Variants in RAPGEF6 observed in about 807,000 individuals in gnomAD.
RAPGEF6 encodes Rap guanine nucleotide exchange factor 6, also known as PDZ domain containing guanine nucleotide exchange factor (GEF) 2.
RAPGEF6 carries 56 observed loss-of-function variants against 171.4 expected under a neutral mutation model. That is an observed-to-expected ratio of 0.33 (90% CI 0.26 to 0.41). The LOEUF (loss-of-function observed/expected upper bound fraction) is 0.41. RAPGEF6 is among the 10% of genes least tolerant of loss of function. The probability of loss-of-function intolerance (pLI) is 1.00; values close to 1 mark genes in which losing one functional copy is unlikely to be tolerated. For missense variants in RAPGEF6, 1,674 were observed against 1,921.4 expected (o/e 0.87, Z 2.41); for synonymous variants, 692 against 650.1 (o/e 1.06, Z -0.98).
intron 6 of RAPGEF6, among the ~76,000 whole-genome samples, chr5:131,543,507 G>T (rs903108994): frequency 2.0e-5 from 3 of 152,116 alleles, no homozygotes; most frequent in Non-Finnish European, 1.5e-5. Flanking sequence ...TAAGTGAAAA[G>T]CACAAATTCT....
chr5:131,580,058 C>T (rs953735158), intron 4 of RAPGEF6, among the ~76,000 whole-genome samples: 39 of 152,336 alleles, frequency 2.6e-4, no homozygotes, highest in Admixed American at 1.9e-3. Context: ...CTTGGGTGGT[C>T]GATGGGACCA....
At chr5:131,578,064 G>A (rs756562170) in intron 4 of RAPGEF6, among the ~76,000 whole-genome samples, 11 of 152,052 alleles carry the variant, frequency 7.2e-5, no homozygotes, top group Non-Finnish European at 1.3e-4. Flanking sequence ...CTTTTCCTCC[G>A]AACCATCGTA....
chr5:131,426,325 C>T lies in RAPGEF6; in HGVS notation c.*941G>A, dbSNP rs1751391886. 6.6e-6 allele frequency: 1 copy of T among 152,320 alleles called. No homozygotes were observed. The highest frequency in any genetic ancestry group is 1.5e-5 in the Non-Finnish European group (1 of 68,036). 9.4% of individuals were successfully genotyped at this position (152,320 alleles called of 1,614,324 possible). A position where few individuals can be genotyped will look rare whatever the true frequency, so the allele number is the denominator to read the frequency against. On this transcript the variant is annotated 3_prime_UTR_variant, in exon 28 of 28. Transcript: ENST00000509018. ...ATTTCTTTAAAAAAAGTATTCCATA[C>T]TTGAGTTATGAGAGATTTTAGTTTT... is the stretch of plus-strand genomic sequence containing the variant.
At chr5:131,561,511 C>T (rs1045913412) in intron 5 of RAPGEF6, among the ~76,000 whole-genome samples, 1 of 151,680 alleles carries the variant, frequency 6.6e-6, no homozygotes, top group Non-Finnish European at 1.5e-5. Flanking sequence ...AATAGAAAAA[C>T]TAGCTGGGAA....
In RAPGEF6 at chr5:131,479,669, C is replaced by A; in HGVS notation, c.1925G>T (p.Arg642Leu). 1 of 1,613,824 alleles carries A rather than the reference C, an allele frequency of 6.2e-7. No individual in the cohort carries two copies. The highest frequency in any genetic ancestry group is 8.5e-7 in the Non-Finnish European group (1 of 1,179,952). ...IPKIAEKKSN[R>L]HSIQHVPGDI... The stretch of plus-strand genomic sequence containing the variant: ...TCCTGGCACATGCTGGATAGAATGG[C>A]GATTACTTTTTTTTTCAGCAATTTT... The change falls in exon 16 of 28, where the codon CGC (arginine) becomes CTC (leucine). Residue 642 changes from arginine to leucine, a missense_variant. By Grantham distance (102) the Arg-to-Leu change is moderately radical. This residue lies in a region of RAPGEF6 where 1,116 missense variants were observed against 1,321.5 expected (regional missense o/e 0.84). Transcript: ENST00000509018.
At chr5:131,467,836 A>C (rs371446857) in intron 17 of RAPGEF6, among the ~76,000 whole-genome samples, 2 of 152,168 alleles carry the variant, frequency 1.3e-5, no homozygotes, top group African/African-American at 2.4e-5. Flanking sequence ...GATCAAAACC[A>C]GCCTGGGGAA....
At chr5:131,500,009 C>T (rs1471463233) in intron 11 of RAPGEF6, among the ~76,000 whole-genome samples, 1 of 152,214 alleles carries the variant, frequency 6.6e-6, no homozygotes, top group Non-Finnish European at 1.5e-5. Context: ...AGCAATTCTC[C>T]TGCCTCAGCC....
At chr5:131,464,020 T>C (rs756306413) in intron 18 of RAPGEF6, 21 bp downstream of exon 18, 3 of 1,544,900 alleles carry the variant, frequency 1.9e-6, no homozygotes, top group South Asian at 1.2e-5. Context: ...AATAAGCACA[T>C]CCACTAATAA....
chr5:131,501,116 G>A (rs748464537), intron 11 of RAPGEF6, among the ~76,000 whole-genome samples: 7 of 149,546 alleles, frequency 4.7e-5, no homozygotes, highest in African/African-American at 1.2e-4. Flanking sequence ...AGATCAGCCC[G>A]GCCAAATGGC....
intron 3 of RAPGEF6, among the ~76,000 whole-genome samples, chr5:131,598,157 A>C (rs1446357669): frequency 6.6e-6 from 1 of 152,200 alleles, no homozygotes; most frequent in Non-Finnish European, 1.5e-5. Flanking sequence ...ACAGAAATGA[A>C]AATCTAGAAT....
At chr5:131,561,078 C>T (rs956015806) in intron 5 of RAPGEF6, among the ~76,000 whole-genome samples, 16 of 151,364 alleles carry the variant, frequency 1.1e-4, no homozygotes, top group African/African-American at 3.9e-4. Flanking sequence ...CTTAGAACAA[C>T]GTAAAAAGCA....
At chr5:131,521,240 T>C (rs1456990392) in intron 7 of RAPGEF6, 150 bp downstream of exon 7, 9 of 668,782 alleles carry the variant, frequency 1.3e-5, no homozygotes, top group Non-Finnish European at 2.0e-5. Context: ...TGCTTACAAA[T>C]TTGACACAGT....
chr5:131,446,540 T>C lies in RAPGEF6; in HGVS notation c.3364A>G (p.Thr1122Ala). ...KQYLSSLDVE[T>A]DEEKFQMMSL... The stretch of plus-strand genomic sequence containing the variant: ...ATCATCTGGAACTTCTCCTCATCTG[T>C]CTCTACATCGAGACTGGAAAGATAC... The change falls in exon 22 of 28, where the codon ACA (threonine) becomes GCA (alanine). Residue 1122 changes from threonine (T) to alanine (A), a missense_variant. Transcript: ENST00000509018. 2 of 1,614,256 alleles carry C rather than the reference T, an allele frequency of 1.2e-6. No individual in the cohort carries two copies. Among genetic ancestry groups the C allele is most frequent in the Middle Eastern group, 1.6e-4 (1 of 6,062 alleles).
At position 131,428,278 on chromosome 5, in the gene RAPGEF6, T is replaced by C. The variant is rs200690099; in HGVS notation, c.4780+624A>G. Among the ~76,000 whole-genome samples the C allele has an allele frequency of 5.9e-5, 9 of 152,170 alleles. No individual in the cohort carries two copies. The East Asian group carries it at 1.7e-3, about 29-fold the overall frequency. On this transcript the variant is annotated intron_variant, in intron 27 of 27. Transcript: ENST00000509018. The stretch of plus-strand genomic sequence containing the variant: ...AAATTTAACAATGAGCCAGGCATGC[T>C]GGTGTGCACCTGTAGTCCCAGCTAC...
chr5:131,445,008 T>C (rs1047566275), intron 22 of RAPGEF6, among the ~76,000 whole-genome samples: 1 of 152,220 alleles, frequency 6.6e-6, no homozygotes, highest in Non-Finnish European at 1.5e-5. Context: ...TTTAAAAATG[T>C]CTTTTTCCAA....
intron 20 of RAPGEF6, among the ~76,000 whole-genome samples, chr5:131,453,602 CA>C (rs993061441): frequency 6.6e-6 from 1 of 151,884 alleles, no homozygotes; most frequent in Non-Finnish European, 1.5e-5. Context: ...AAAAAATCCA[CA>C]AAAAAACAAA....
At chr5:131,627,631 T>G (rs1448356819) in intron 1 of RAPGEF6, among the ~76,000 whole-genome samples, 1 of 152,238 alleles carries the variant, frequency 6.6e-6, no homozygotes, top group African/African-American at 2.4e-5. Flanking sequence ...TAATTATGAC[T>G]GTGGCTTCTT....
intron 17 of RAPGEF6, among the ~76,000 whole-genome samples, chr5:131,467,383 T>C (rs1388726876): frequency 6.6e-6 from 1 of 152,242 alleles, no homozygotes; most frequent in Non-Finnish European, 1.5e-5. Flanking sequence ...CTGATGAATC[T>C]GCCAAGGTAA....
chr5:131,478,092 T>C (rs903340636), intron 16 of RAPGEF6, among the ~76,000 whole-genome samples: 42 of 152,246 alleles, frequency 2.8e-4, no homozygotes, highest in African/African-American at 1.0e-3. Flanking sequence ...GCCACTCACC[T>C]CAAGGATAGA....
Sources: allele counts gnomAD v4.1 joint callset (sites outside exome capture counted in the v4.1 genomes callset), GRCh38; gene constraint gnomAD v4.1.1; regional missense constraint gnomAD v4.1.1; transcripts MANE v1.5; gene names NCBI Gene and HGNC (gene_info 2026-07-23, HGNC 2026-07-21).